The following XKR9 variants were observed in gnomAD, a reference collection of about 807,000 sequenced individuals.
XKR9 encodes the protein XK-related protein 9.
In XKR9, 32 loss-of-function variants were observed where a neutral mutation model predicts 32.0. That is an observed-to-expected ratio of 1.00 (90% CI 0.76 to 1.34). XKR9 has a LOEUF of 1.34. Ranked by LOEUF, XKR9 falls within the 40% of genes most tolerant of loss-of-function variation. The pLI, the probability that XKR9 is intolerant of heterozygous loss-of-function variation, is 0.00. For missense variants in XKR9, 546 were observed against 429.7 expected, an observed-to-expected ratio of 1.27 and a Z score of -2.39; for synonymous variants, 168 against 143.4, an observed-to-expected ratio of 1.17 and a Z score of -1.22.
At chr8:70,783,917 A>G (rs146870629) in intron 2 of XKR9, among the ~76,000 whole-genome samples, 163 of 152,276 alleles carry the variant, frequency 1.1e-3, no homozygotes, top group African/African-American at 3.8e-3. Context: ...TTTAGTCTGC[A>G]TGTGGACATT....
chr8:70,902,623 G>T, the XKR9 span, among the ~76,000 whole-genome samples: 11 of 150,102 alleles, frequency 7.3e-5, no homozygotes, highest in Non-Finnish European at 1.3e-4. Flanking sequence ...AATACCCTTT[G>T]TTTCTTTCTA....
the XKR9 span, among the ~76,000 whole-genome samples, chr8:70,874,552 C>T: frequency 1.3e-5 from 2 of 152,156 alleles, no homozygotes; most frequent in African/African-American, 4.8e-5. Flanking sequence ...TGAACTGACT[C>T]TTCTCTTGTA....
At chr8:70,674,596 G>A (rs572191454) in intron 1 of XKR9, among the ~76,000 whole-genome samples, 35 of 152,240 alleles carry the variant, frequency 2.3e-4, no homozygotes, top group African/African-American at 8.4e-4. Flanking sequence ...TGACTTATTT[G>A]ACAAATACAG....
At chr8:70,865,606 G>T in the XKR9 span, among the ~76,000 whole-genome samples, 1 of 151,996 alleles carries the variant, frequency 6.6e-6, no homozygotes, top group African/African-American at 2.4e-5. Context: ...AGATTTTCTG[G>T]AGAATCTTCA....
At chr8:70,693,368 G>C (rs1805146597) in intron 3 of XKR9, among the ~76,000 whole-genome samples, 1 of 152,096 alleles carries the variant, frequency 6.6e-6, no homozygotes, top group Non-Finnish European at 1.5e-5. Context: ...TGACATTTAG[G>C]CTTATCAGTC....
intron 3 of XKR9, among the ~76,000 whole-genome samples, chr8:70,685,409 T>G (rs925030875): frequency 6.8e-6 from 1 of 146,000 alleles, no homozygotes; most frequent in Non-Finnish European, 1.5e-5. Flanking sequence ...GACGAGTTAA[T>G]GCATGCAGCA....
chr8:70,734,419 G>T lies in XKR9; in HGVS notation c.1117G>T (p.Glu373Ter), dbSNP rs114543585. The change falls in exon 5 of 5, where the codon GAA becomes TAA. Residue 373 changes from glutamate (E) to a stop codon, truncating the protein, a stop_gained. Coordinates refer to ENST00000408926, the MANE Select transcript of XKR9 (RefSeq NM_001011720.2). LOFTEE classifies it high-confidence loss of function. ...ATGTAGAATGAGATATTTCCTAATGGAATAAGCTATTCATTTATGATATAT... is the reference window on the plus strand; with the variant it reads ...ATGTAGAATGAGATATTTCCTAATGTAATAAGCTATTCATTTATGATATAT... ...RECRMRYFLM[E>*] 6.4e-5 allele frequency: 100 copies of T among 1,556,128 alleles called. No homozygotes were observed. The East Asian group carries it at 2.1e-3, about 33-fold the overall frequency.
At chr8:70,717,241 CTG>C (rs141597348) in intron 4 of XKR9, among the ~76,000 whole-genome samples, 2,705 of 152,274 alleles carry the variant, frequency 0.018, 73 homozygotes, top group African/African-American at 0.063. Context: ...AGGATGGTGG[CTG>C]TCTTCTCACA....
chr8:70,840,919 G>C, the XKR9 span, among the ~76,000 whole-genome samples: 3 of 152,136 alleles, frequency 2.0e-5, no homozygotes, highest in African/African-American at 7.2e-5. Context: ...CAAACTGAAA[G>C]ATTAAAAGTG....
chr8:71,010,405 G>A, the XKR9 span, among the ~76,000 whole-genome samples: 1 of 152,098 alleles, frequency 6.6e-6, no homozygotes, highest in African/African-American at 2.4e-5. Flanking sequence ...CATTCCCCAC[G>A]TTTTCCTAGG....
chr8:70,932,992 T>C, the XKR9 span, among the ~76,000 whole-genome samples: 1 of 152,116 alleles, frequency 6.6e-6, no homozygotes, highest in African/African-American at 2.4e-5. Flanking sequence ...ATTTTTATAC[T>C]CTTTGTCTTC....
rs974257412 is a variant in XKR9 at position 70,786,203 on chromosome 8, A to G, written n.353-3136A>G. On this transcript the variant is annotated intron_variant and non_coding_transcript_variant, in intron 2 of 3. Transcript: ENST00000520273. ...TGTTTTGTGCTCTAACATGTGATCT[A>G]TCCTGGAGAATATTTTGTGTGCACT... Among the ~76,000 whole-genome samples, 12 of 152,234 alleles carry G rather than the reference A, an allele frequency of 7.9e-5. No homozygotes were observed. The East Asian group carries it at 1.3e-3, about 17-fold the overall frequency.
the XKR9 span, among the ~76,000 whole-genome samples, chr8:70,960,903 G>A: frequency 2.0e-5 from 3 of 151,952 alleles, no homozygotes; most frequent in East Asian, 5.8e-4. Context: ...GGAAAGGCTG[G>A]GCACCGTGTA....
At chr8:70,837,373 T>C in the XKR9 span, among the ~76,000 whole-genome samples, 11 of 152,196 alleles carry the variant, frequency 7.2e-5, no homozygotes, top group African/African-American at 2.2e-4. Context: ...TCTGTAAGAA[T>C]AGAAATGAGA....
the XKR9 span, among the ~76,000 whole-genome samples, chr8:70,811,351 A>G: frequency 6.6e-6 from 1 of 152,164 alleles, no homozygotes; most frequent in Admixed American, 6.5e-5. Context: ...AAGATCTACA[A>G]TTGACACCCT....
At chr8:71,063,396 C>G in the XKR9 span, among the ~76,000 whole-genome samples, 1 of 152,070 alleles carries the variant, frequency 6.6e-6, no homozygotes, top group Non-Finnish European at 1.5e-5. Flanking sequence ...AACCCAGGGT[C>G]ATATTTGTCA....
At chr8:70,957,686 C>A in the XKR9 span, among the ~76,000 whole-genome samples, 6 of 152,072 alleles carry the variant, frequency 3.9e-5, no homozygotes, top group South Asian at 1.2e-3. Flanking sequence ...GCTTCCAGCT[C>A]CATTCACATC....
At chr8:70,956,014 C>G in the XKR9 span, among the ~76,000 whole-genome samples, 4 of 152,204 alleles carry the variant, frequency 2.6e-5, no homozygotes, top group Admixed American at 2.6e-4. Flanking sequence ...TGTCACAACC[C>G]TGGCTCGGGA....
chr8:70,833,196 T>C, the XKR9 span, among the ~76,000 whole-genome samples: 3 of 152,164 alleles, frequency 2.0e-5, no homozygotes, highest in Non-Finnish European at 4.4e-5. Context: ...CATCTGCAGA[T>C]GGTGGAAAGA....
Sources: gnomAD v4.1 joint callset for allele counts (sites outside exome capture counted in the v4.1 genomes callset) on GRCh38, gnomAD v4.1.1 for gene constraint, MANE v1.5 for transcripts, NCBI Gene and HGNC (gene_info 2026-07-23, HGNC 2026-07-21) for gene names.